The following ARHGAP10 variants were observed in gnomAD, a reference collection of about 807,000 sequenced individuals.
ARHGAP10 encodes rho GTPase-activating protein 10.
In ARHGAP10, 87 loss-of-function variants were observed where a neutral mutation model predicts 108.6. That is an observed-to-expected ratio of 0.80 (90% confidence interval 0.67 to 0.96). The LOEUF is 0.96. ARHGAP10 is among the 40% of genes least tolerant of loss of function. The pLI is 0.00. For missense variants in ARHGAP10, 939 were observed against 954.5 expected (o/e 0.98, Z 0.21); for synonymous variants, 347 against 341.1 (o/e 1.02, Z -0.19).
intron 5 of ARHGAP10, chr4:147,858,368 C>T (rs1734178923): frequency 6.6e-6 from 1 of 151,942 alleles, no homozygotes; most frequent in Admixed American, 6.5e-5. Context: ...TTTTTTAACA[C>T]ATAAGGAATC....
At chr4:147,962,208 C>T (rs1739025112) in intron 16 of ARHGAP10, among the ~76,000 whole-genome samples, 1 of 152,222 alleles carries the variant, frequency 6.6e-6, no homozygotes, top group Non-Finnish European at 1.5e-5. Flanking sequence ...TGCCAGACTA[C>T]CCAGATGTGA....
intron 21 of ARHGAP10, among the ~76,000 whole-genome samples, chr4:148,063,541 G>A (rs889492268): frequency 2.6e-5 from 4 of 152,230 alleles, no homozygotes; most frequent in Non-Finnish European, 5.9e-5. Flanking sequence ...CTCTGTCTTT[G>A]TGGTGCTGGT....
intron 1 of ARHGAP10, among the ~76,000 whole-genome samples, chr4:147,783,877 C>A (rs1241914874): frequency 1.0e-5 from 1 of 98,854 alleles, no homozygotes; most frequent in African/African-American, 6.5e-5. Context: ...ATTTATATAA[C>A]ACACATTAAA....
intron 16 of ARHGAP10, among the ~76,000 whole-genome samples, chr4:147,964,692 C>T (rs568539866): frequency 1.7e-4 from 26 of 152,262 alleles, no homozygotes; most frequent in South Asian, 1.2e-3. Flanking sequence ...TAGACCCCAT[C>T]GAGTAAACGA....
At chr4:147,782,926 A>G (rs187516025) in intron 1 of ARHGAP10, among the ~76,000 whole-genome samples, 1,796 of 142,548 alleles carry the variant, frequency 0.013, 26 homozygotes, top group South Asian at 0.037. Context: ...TAAATTATAT[A>G]ATATATAAAA....
chr4:148,055,694 G>A (rs1311317393), intron 20 of ARHGAP10, among the ~76,000 whole-genome samples: 2 of 152,128 alleles, frequency 1.3e-5, no homozygotes, highest in Admixed American at 6.5e-5. Flanking sequence ...TCTCAGGGAA[G>A]CAACAAAATA....
chr4:147,747,101 C>T (rs1452540967), intron 1 of ARHGAP10, among the ~76,000 whole-genome samples: 4 of 151,858 alleles, frequency 2.6e-5, no homozygotes, highest in Admixed American at 6.6e-5. Context: ...CTGTTTCAGG[C>T]TTTATTTCAC....
chr4:147,965,955 A>C (rs1233447575), intron 17 of ARHGAP10, among the ~76,000 whole-genome samples: 3 of 152,238 alleles, frequency 2.0e-5, no homozygotes, highest in African/African-American at 7.2e-5. Context: ...GACTATAAAA[A>C]ATGTTATGCA....
intron 18 of ARHGAP10, among the ~76,000 whole-genome samples, chr4:147,967,926 A>G (rs1020502290): frequency 1.3e-5 from 2 of 152,234 alleles, no homozygotes; most frequent in African/African-American, 4.8e-5. Context: ...CTGCTAATCT[A>G]GGGAGGAAAC....
intron 18 of ARHGAP10, among the ~76,000 whole-genome samples, chr4:147,990,371 A>G (rs530260025): frequency 6.6e-6 from 1 of 152,336 alleles, no homozygotes; most frequent in Non-Finnish European, 1.5e-5. Flanking sequence ...ACTAAGGGCT[A>G]ACAGTCTTAG....
intron 13 of ARHGAP10, among the ~76,000 whole-genome samples, chr4:147,926,900 C>T (rs188642582): frequency 6.6e-6 from 1 of 152,036 alleles, no homozygotes; most frequent in Admixed American, 6.5e-5. Flanking sequence ...TAGATAATAG[C>T]GAGGTTGTAC....
chr4:147,905,553 C>T (rs1403166472), intron 10 of ARHGAP10, among the ~76,000 whole-genome samples: 5 of 116,654 alleles, frequency 4.3e-5, no homozygotes, highest in African/African-American at 5.4e-5. Context: ...AGATATGCGG[C>T]GTTATTTCTG....
At chr4:147,991,862 G>C (rs1312743642) in intron 18 of ARHGAP10, among the ~76,000 whole-genome samples, 1 of 152,192 alleles carries the variant, frequency 6.6e-6, no homozygotes. Context: ...GCAGGGAAGA[G>C]GATGACATTC....
At chr4:147,837,649 T>TTTTTTGTTTTTTTTTTTTG (rs1733227050) in intron 3 of ARHGAP10, among the ~76,000 whole-genome samples, 2 of 132,134 alleles carry the variant, frequency 1.5e-5, no homozygotes, top group African/African-American at 2.6e-5. Flanking sequence ...CACTGTTTTT[T>TTTTTTGTTTTTTTTTTTTG]TTTTTTTTTT....
intron 12 of ARHGAP10, among the ~76,000 whole-genome samples, chr4:147,912,448 G>T (rs1005934248): frequency 2.5e-4 from 38 of 151,110 alleles, no homozygotes; most frequent in Non-Finnish European, 5.2e-4. Flanking sequence ...GGCTGAGGTG[G>T]AAGAATCGCT....
intron 13 of ARHGAP10, among the ~76,000 whole-genome samples, chr4:147,920,807 G>C (rs1737205065): frequency 6.6e-6 from 1 of 152,206 alleles, no homozygotes; most frequent in South Asian, 2.1e-4. Context: ...TTAGGAGTAG[G>C]CTTCCTCAGA....
intron 1 of ARHGAP10, among the ~76,000 whole-genome samples, chr4:147,767,615 G>A (rs1729891162): frequency 6.6e-6 from 1 of 152,244 alleles, no homozygotes; most frequent in South Asian, 2.1e-4. Flanking sequence ...TACTTGGGAG[G>A]CTGAGGTAGG....
intron 13 of ARHGAP10, among the ~76,000 whole-genome samples, chr4:147,928,358 G>A (rs139096067): frequency 1.3e-5 from 2 of 152,190 alleles, no homozygotes; most frequent in African/African-American, 4.8e-5. Context: ...CCACCCTTAC[G>A]TGCCAAACTG....
chr4:147,880,334 A>C (rs184295975), intron 9 of ARHGAP10, among the ~76,000 whole-genome samples: 1 of 152,332 alleles, frequency 6.6e-6, no homozygotes, highest in Non-Finnish European at 1.5e-5. Flanking sequence ...TTCCCTGAAA[A>C]ATATTTAAAG....
Sources: gnomAD v4.1 joint callset for allele counts (sites outside exome capture counted in the v4.1 genomes callset) on GRCh38, gnomAD v4.1.1 for gene constraint, MANE v1.5 for transcripts, NCBI Gene and HGNC (gene_info 2026-07-23, HGNC 2026-07-21) for gene names.